PBRM1: variants seen among roughly 807,000 people sequenced by gnomAD.
PBRM1 encodes the protein protein polybromo-1.
PBRM1 carries 27 observed loss-of-function variants against 194.5 expected under a neutral mutation model. The ratio of observed to expected loss-of-function variants is 0.14; its 90% CI spans 0.10 to 0.19. The LOEUF (loss-of-function observed/expected upper bound fraction) is 0.19, where lower values mean the gene tolerates loss of function less well. PBRM1 is among the 10% of genes least tolerant of loss of function. The probability of loss-of-function intolerance (pLI) is 1.00; values close to 1 mark genes in which losing one functional copy is unlikely to be tolerated. For missense variants in PBRM1, 1,466 were observed against 2,077.2 expected, an observed-to-expected ratio of 0.71 and a Z score of 5.72; for synonymous variants, 655 against 693.2, an observed-to-expected ratio of 0.94 and a Z score of 0.87.
At chr3:52,638,986 T>TGG (rs71084199) in intron 10 of PBRM1, among the ~76,000 whole-genome samples, 1,648 of 57,750 alleles carry the variant, frequency 0.029, 46 homozygotes, top group Non-Finnish European at 0.039. Context: ...CATTTTTTTT[T>TGG]GGGGGGGGGG....
intron 20 of PBRM1, among the ~76,000 whole-genome samples, chr3:52,579,554 C>T (rs1259090552): frequency 1.3e-5 from 2 of 152,024 alleles, no homozygotes; most frequent in Non-Finnish European, 2.9e-5. Context: ...GCTAGGATCA[C>T]GCCATTGTAC....
At chr3:52,680,859 C>T (rs1287423780), upstream of PBRM1, among the ~76,000 whole-genome samples, 1 of 151,898 alleles carries the variant, frequency 6.6e-6, no homozygotes, top group Non-Finnish European at 1.5e-5. Flanking sequence ...CGGGGTTTCA[C>T]CATGTTGGCT....
At chr3:52,659,849 T>C (rs1237656317) in intron 4 of PBRM1, among the ~76,000 whole-genome samples, 2 of 152,178 alleles carry the variant, frequency 1.3e-5, no homozygotes, top group Non-Finnish European at 2.9e-5. Context: ...CCAAGCACTT[T>C]GGGAAGGTGA....
At chr3:52,554,408 G>A (rs893050312) in intron 27 of PBRM1, among the ~76,000 whole-genome samples, 21 of 152,242 alleles carry the variant, frequency 1.4e-4, no homozygotes, top group Admixed American at 1.2e-3. Flanking sequence ...AGCCTTCTAG[G>A]CTGTCTGGCT....
chr3:52,658,345 A>G (rs1298436536), intron 4 of PBRM1, 30 bp from the exon 6 acceptor site: 2 of 1,127,186 alleles, frequency 1.8e-6, no homozygotes, highest in Non-Finnish European at 2.7e-6. Flanking sequence ...AGTACTTTCT[A>G]AGAGAAATAA....
At chr3:52,683,730 A>C (rs923711789), upstream of PBRM1, among the ~76,000 whole-genome samples, 6 of 131,430 alleles carry the variant, frequency 4.6e-5, no homozygotes, top group Non-Finnish European at 9.8e-5. Context: ...AGGCACGAGA[A>C]TTGCTTGAAC....
chr3:52,573,337 A>C (rs1377947181), intron 22 of PBRM1, among the ~76,000 whole-genome samples: 1 of 151,760 alleles, frequency 6.6e-6, no homozygotes, highest in Non-Finnish European at 1.5e-5. Context: ...CTCCAGCCAC[A>C]GGCTGGAGTG....
chr3:52,580,493 G>C (rs2153697545), intron 20 of PBRM1, among the ~76,000 whole-genome samples: 2 of 152,102 alleles, frequency 1.3e-5, no homozygotes, highest in Middle Eastern at 6.8e-3. Context: ...GGAGTAGCTG[G>C]GACTACAGGC....
At chr3:52,562,014 G>C in intron 24 of PBRM1, 46 bp from the exon 27 acceptor site, 2 of 1,491,944 alleles carry the variant, frequency 1.3e-6, no homozygotes, top group Non-Finnish European at 1.9e-6. Context: ...ATTACATTTG[G>C]TTAACTGCTC....
chr3:52,577,344 T>C (rs528310338), intron 21 of PBRM1, among the ~76,000 whole-genome samples: 1 of 143,512 alleles, frequency 7.0e-6, no homozygotes, highest in Non-Finnish European at 1.5e-5. Context: ...GGTGGGAAGA[T>C]GGCTTGAGCC....
intron 11 of PBRM1, among the ~76,000 whole-genome samples, chr3:52,630,134 C>T (rs2095569956): frequency 6.6e-6 from 1 of 151,948 alleles, no homozygotes; most frequent in African/African-American, 2.4e-5. Context: ...ACAGAAAACC[C>T]AAACTTGCAA....
In PBRM1 at chr3:52,676,114, C is replaced by CAAAAAA; in HGVS notation, c.236+2380_236+2385dup. On this transcript the variant is annotated intron_variant, in intron 2 of 29. Coordinates refer to ENST00000296302, the Ensembl canonical transcript of PBRM1. ...TGGGCGACAGAGCGAGACTCCGTCTCAAAAAAAAAAAAAAAAAAAAAAAAA... is the reference window on the plus strand; with the variant it reads ...TGGGCGACAGAGCGAGACTCCGTCTCAAAAAAAAAAAAAAAAAAAAAAAAAAAAAAA... 5.9e-4 allele frequency among the ~76,000 whole-genome samples: 3 copies of CAAAAAA among 5,114 alleles called. 1 individual carries two copies. Among genetic ancestry groups the CAAAAAA allele is most frequent in the Non-Finnish European group, 7.7e-4 (3 of 3,898 alleles). 3.4% of individuals were successfully genotyped at this position (5,114 alleles called of 152,430 possible).
chr3:52,604,908 C>T (rs141104872), intron 16 of PBRM1, among the ~76,000 whole-genome samples: 7,133 of 151,630 alleles, frequency 0.047, 204 homozygotes, highest in Middle Eastern at 0.068. Flanking sequence ...GAGCCAAGAT[C>T]GCGCCGCTGC....
chr3:52,552,320 G>T (rs1009525017), intron 27 of PBRM1, among the ~76,000 whole-genome samples: 2 of 152,210 alleles, frequency 1.3e-5, no homozygotes, highest in Non-Finnish European at 1.5e-5. Context: ...TGCCATACTT[G>T]GGCAGCCGGT....
exon 3 of PBRM1, chr3:52,668,597 C>T (rs1372633093): frequency 6.2e-7 from 1 of 1,605,492 alleles, no homozygotes; most frequent in Non-Finnish European, 8.5e-7. Context: ...GTTGGATTTT[C>T]ATCAAGTCAA....
intron 17 of PBRM1, among the ~76,000 whole-genome samples, chr3:52,602,729 C>T (rs1336849977): frequency 1.3e-5 from 2 of 152,192 alleles, no homozygotes; most frequent in Non-Finnish European, 2.9e-5. Flanking sequence ...TCATATATCT[C>T]CTTTGGTGAC....
At chr3:52,668,795 A>G (rs2096890831) in intron 2 of PBRM1, 150 bp from the exon 4 acceptor site, 1 of 436,070 alleles carries the variant, frequency 2.3e-6, no homozygotes, top group African/African-American at 2.1e-5. Context: ...AAAAAAAAAA[A>G]AAAAGAAAAA....
intron 10 of PBRM1, among the ~76,000 whole-genome samples, chr3:52,640,979 G>A (rs555626742): frequency 8.5e-5 from 13 of 152,136 alleles, no homozygotes; most frequent in Non-Finnish European, 1.2e-4. Flanking sequence ...ATGCTAACAA[G>A]AAGATAATAT....
chr3:52,592,976 T>G (rs925747579), intron 17 of PBRM1, among the ~76,000 whole-genome samples: 2 of 152,234 alleles, frequency 1.3e-5, no homozygotes, highest in Non-Finnish European at 2.9e-5. Flanking sequence ...TGCTAGTTAT[T>G]TGTATTTCTG....
Sources: gnomAD v4.1 joint callset for allele counts (sites outside exome capture counted in the v4.1 genomes callset) on GRCh38, gnomAD v4.1.1 for gene constraint, MANE v1.5 for transcripts, NCBI Gene and HGNC (gene_info 2026-07-23, HGNC 2026-07-21) for gene names.